Variants in BANK1 observed in about 807,000 individuals in gnomAD.
BANK1 encodes B-cell scaffold protein with ankyrin repeats.
A neutral mutation model predicts 94.5 loss-of-function variants in BANK1; 95 were observed. The ratio of observed to expected loss-of-function variants is 1.00; its 90% CI spans 0.85 to 1.19. The LOEUF (loss-of-function observed/expected upper bound fraction) is 1.19. Ranked by LOEUF, BANK1 falls within the 50% of genes most tolerant of loss-of-function variation. BANK1 has a pLI of 0.00. For synonymous variants in BANK1, 334 were observed against 308.4 expected (o/e 1.08, Z -0.87); for missense variants, 987 against 932.2 (o/e 1.06, Z -0.77).
chr4:102,007,823 T>G (rs1223103840), intron 7 of BANK1, among the ~76,000 whole-genome samples: 1 of 152,112 alleles, frequency 6.6e-6, no homozygotes, highest in Non-Finnish European at 1.5e-5. Flanking sequence ...CTGAACTGTA[T>G]CACACAATTT....
intron 7 of BANK1, among the ~76,000 whole-genome samples, chr4:101,949,290 C>T (rs973380346): frequency 2.1e-4 from 32 of 152,118 alleles, no homozygotes; most frequent in Non-Finnish European, 4.3e-4. Context: ...CAAAGATATG[C>T]AAACTCTTTT....
intron 8 of BANK1, 25 bp from the exon 9 acceptor site, chr4:102,025,176 A>G (rs532410695): frequency 1.2e-6 from 2 of 1,606,606 alleles, no homozygotes; most frequent in African/African-American, 1.3e-5. Context: ...TTTAAATGAA[A>G]TCATGCAATC....
intron 7 of BANK1, among the ~76,000 whole-genome samples, chr4:101,949,698 C>A (rs1004887084): frequency 2.6e-5 from 4 of 152,076 alleles, no homozygotes; most frequent in South Asian, 4.1e-4. Context: ...CCTCTATTTT[C>A]TTATCTACAT....
At chr4:101,924,107 A>G (rs946718919) in intron 7 of BANK1, among the ~76,000 whole-genome samples, 1 of 151,840 alleles carries the variant, frequency 6.6e-6, no homozygotes, top group Non-Finnish European at 1.5e-5. Flanking sequence ...AGATTCAAAT[A>G]GAAAAATCTG....
chr4:101,976,606 C>T (rs1725140046), intron 7 of BANK1, among the ~76,000 whole-genome samples: 1 of 152,150 alleles, frequency 6.6e-6, no homozygotes, highest in Admixed American at 6.6e-5. Flanking sequence ...GCTCCCTTCA[C>T]ATGCCAGATA....
At chr4:101,874,987 G>A (rs1728433772) in intron 5 of BANK1, among the ~76,000 whole-genome samples, 1 of 152,176 alleles carries the variant, frequency 6.6e-6, no homozygotes, top group Non-Finnish European at 1.5e-5. Flanking sequence ...AGGAAGGGGT[G>A]GAGCAAATTG....
At chr4:102,028,763 T>C (rs1408708604) in intron 9 of BANK1, among the ~76,000 whole-genome samples, 2 of 152,168 alleles carry the variant, frequency 1.3e-5, no homozygotes, top group African/African-American at 4.8e-5. Context: ...TGTCAAGATA[T>C]TACTGTATGG....
intron 7 of BANK1, among the ~76,000 whole-genome samples, chr4:101,997,362 G>T (rs1447900528): frequency 1.3e-5 from 2 of 152,106 alleles, no homozygotes; most frequent in Admixed American, 6.5e-5. Context: ...TTGCACTGAT[G>T]TTCATCAGTG....
intron 5 of BANK1, among the ~76,000 whole-genome samples, chr4:101,879,475 G>C (rs1425188709): frequency 6.6e-6 from 1 of 151,978 alleles, no homozygotes; most frequent in Non-Finnish European, 1.5e-5. Context: ...GTAAAGAAAA[G>C]CTTGTGACTC....
chr4:101,808,764 C>G (rs1270485145), intron 1 of BANK1, among the ~76,000 whole-genome samples: 3 of 152,196 alleles, frequency 2.0e-5, no homozygotes, highest in South Asian at 4.1e-4. Context: ...CTCAACATCA[C>G]TAATTATCAG....
chr4:101,995,874 A>T (rs1201085364), intron 7 of BANK1, among the ~76,000 whole-genome samples: 2 of 151,766 alleles, frequency 1.3e-5, no homozygotes, highest in Non-Finnish European at 2.9e-5. Flanking sequence ...GATTGCAAAA[A>T]TTTTCTCCCA....
At chr4:101,869,870 T>A (rs1288841764) in intron 4 of BANK1, among the ~76,000 whole-genome samples, 2 of 152,002 alleles carry the variant, frequency 1.3e-5, no homozygotes, top group Non-Finnish European at 2.9e-5. Context: ...AATTCTTATA[T>A]AACTTTAATT....
At chr4:101,930,170 G>T (rs1723293504) in intron 7 of BANK1, among the ~76,000 whole-genome samples, 1 of 151,304 alleles carries the variant, frequency 6.6e-6, no homozygotes, top group Non-Finnish European at 1.5e-5. Flanking sequence ...TTTTATGAGA[G>T]TGTGTGTTCA....
chr4:102,009,700 A>G (rs1726420066), intron 7 of BANK1, among the ~76,000 whole-genome samples: 1 of 152,218 alleles, frequency 6.6e-6, no homozygotes, highest in Non-Finnish European at 1.5e-5. Flanking sequence ...AATGAGGATT[A>G]AAAATAGTAA....
intron 1 of BANK1, among the ~76,000 whole-genome samples, chr4:101,804,158 T>TTA (rs1174406867): frequency 1.7e-3 from 232 of 136,214 alleles, no homozygotes; most frequent in African/African-American, 5.7e-3. Context: ...CAAAACATAG[T>TTA]CACAAAAATA....
At position 101,823,816 on chromosome 4, in the gene BANK1, C is replaced by G. The variant is rs544762900; in HGVS notation, c.71-5992C>G. On this transcript the variant is annotated intron_variant, in intron 1 of 16. Transcript: ENST00000322953. ...TTTTGCTGGTTGTTCTTCACCATAGCTGAAAAGCATAATCTTAAAATTATG... is the reference window on the plus strand; with the variant it reads ...TTTTGCTGGTTGTTCTTCACCATAGGTGAAAAGCATAATCTTAAAATTATG... Among the ~76,000 whole-genome samples the G allele has an allele frequency of 2.6e-5, 4 of 152,252 alleles. No individual in the cohort carries two copies. The South Asian group carries it at 8.3e-4, about 32-fold the overall frequency.
At chr4:101,820,065 G>A (rs1726081533) in intron 1 of BANK1, among the ~76,000 whole-genome samples, 1 of 152,148 alleles carries the variant, frequency 6.6e-6, no homozygotes, top group African/African-American at 2.4e-5. Flanking sequence ...CTCATTGACT[G>A]TAGGCCACCA....
chr4:101,862,485 C>G (rs12647710), intron 3 of BANK1, 41 bp from the exon 4 acceptor site: 2 of 1,543,666 alleles, frequency 1.3e-6, no homozygotes, highest in South Asian at 1.2e-5. Context: ...TTAATGTAAA[C>G]TTTTCCAAAT....
chr4:101,843,607 C>A (rs1032079682), intron 2 of BANK1, among the ~76,000 whole-genome samples: 11 of 152,078 alleles, frequency 7.2e-5, no homozygotes, highest in African/African-American at 2.7e-4. Flanking sequence ...ATTGTCTTTG[C>A]GTAATTTTCT....
Sources: allele counts gnomAD v4.1 joint callset (sites outside exome capture counted in the v4.1 genomes callset), GRCh38; gene constraint gnomAD v4.1.1; transcripts MANE v1.5; gene names NCBI Gene and HGNC (gene_info 2026-07-23, HGNC 2026-07-21).